The following DOCK8 variants were observed in gnomAD, a reference collection of about 807,000 sequenced individuals.
DOCK8 encodes the protein dedicator of cytokinesis 8, also known as dedicator of cytokinesis protein 8.
A neutral mutation model predicts 245.6 loss-of-function variants in DOCK8; 141 were observed. That is an observed-to-expected ratio of 0.57 (90% CI 0.50 to 0.66). DOCK8 has a LOEUF of 0.66. Among genes scored for constraint, DOCK8 ranks in the 30% least tolerant of loss-of-function variants. The pLI is 0.00. For missense variants in DOCK8, 2,965 were observed against 2,603.4 expected (o/e 1.14, Z -3.02); for synonymous variants, 1,168 against 970.2 (o/e 1.20, Z -3.79).
At chr9:307,330 T>G (rs575389022) in intron 5 of DOCK8, among the ~76,000 whole-genome samples, 4 of 29,278 alleles carry the variant, frequency 1.4e-4, no homozygotes, top group Admixed American at 5.0e-4. Flanking sequence ...TTGTGTGTGG[T>G]TTTTTTTGTT....
rs1208023577 is a variant in DOCK8, at chr9:433,913, T to C, written c.4824T>C (p.Tyr1608=). ...ELLCNLNSIL[Y]DTVKMREFQE... Reference sequence around the variant, plus strand: ...TCTGTAATCTGAATAGCATCTTATATGACACAGTGAAAATGAGGGAATTTC... The same window carrying C: ...TCTGTAATCTGAATAGCATCTTATACGACACAGTGAAAATGAGGGAATTTC... Residue 1608 remains tyrosine (Y), a synonymous_variant, in exon 38 of 48, where the codon TAT becomes TAC. Transcript: ENST00000432829. 2 of 1,614,158 alleles carry C rather than the reference T, an allele frequency of 1.2e-6. No homozygotes were observed. The highest frequency in any genetic ancestry group is 1.7e-6 in the Non-Finnish European group (2 of 1,180,000).
At chr9:269,914 C>T (rs776292117) in intron 1 of DOCK8, among the ~76,000 whole-genome samples, 7 of 152,136 alleles carry the variant, frequency 4.6e-5, no homozygotes, top group Non-Finnish European at 8.8e-5. Flanking sequence ...TGCTGGGATA[C>T]ATGGGAGCTC....
intron 46 of DOCK8, among the ~76,000 whole-genome samples, chr9:462,078 T>C (rs1285441795): frequency 6.6e-6 from 1 of 152,194 alleles, no homozygotes; most frequent in Admixed American, 6.5e-5. Flanking sequence ...CTTATTGGAC[T>C]AATTCTTTTG....
chr9:220,967 C>T (rs1332832554), intron 1 of DOCK8: 3 of 198,572 alleles, frequency 1.5e-5, no homozygotes, highest in Non-Finnish European at 3.2e-5. Flanking sequence ...AGCAGAAAGG[C>T]TCTCTGGGCT....
chr9:240,928 A>G (rs1016571771), intron 1 of DOCK8, among the ~76,000 whole-genome samples: 3 of 151,570 alleles, frequency 2.0e-5, no homozygotes, highest in Non-Finnish European at 2.9e-5. Flanking sequence ...AAATTACCAT[A>G]CACATGTTTA....
intron 1 of DOCK8, among the ~76,000 whole-genome samples, chr9:258,921 T>A (rs2047848043): frequency 6.6e-6 from 1 of 152,008 alleles, no homozygotes; most frequent in South Asian, 2.1e-4. Context: ...TAAGATACTT[T>A]CATAATAGTT....
chr9:316,968 C>G (rs1246978222), intron 6 of DOCK8, 75 bp from the exon 7 acceptor site: 2 of 1,211,992 alleles, frequency 1.7e-6, no homozygotes, highest in Non-Finnish European at 2.5e-6. Context: ...GTAGCCTTCC[C>G]TTCCCTGGGT....
At chr9:275,882 C>A (rs2048327219) in intron 2 of DOCK8, among the ~76,000 whole-genome samples, 1 of 133,990 alleles carries the variant, frequency 7.5e-6, no homozygotes, top group South Asian at 2.4e-4. Flanking sequence ...AGCCACTGGG[C>A]CCGGCCTAGT....
upstream of DOCK8, among the ~76,000 whole-genome samples, chr9:212,227 A>T (rs143688797): frequency 4.8e-3 from 730 of 152,332 alleles, 6 homozygotes; most frequent in African/African-American, 0.017. Context: ...TTGTTCAATA[A>T]AATAGGTAAG....
At chr9:368,871 G>A (rs2053150628) in intron 15 of DOCK8, 1 of 142,762 alleles carries the variant, frequency 7.0e-6, no homozygotes, top group Non-Finnish European at 1.5e-5. Context: ...GCCCAGGCTG[G>A]AGTACAATGG....
At chr9:297,563 G>C (rs1215246411) in intron 4 of DOCK8, among the ~76,000 whole-genome samples, 1 of 152,092 alleles carries the variant, frequency 6.6e-6, no homozygotes, top group Non-Finnish European at 1.5e-5. Context: ...CAGGAACTTG[G>C]CTTTATTTGA....
At chr9:364,087 A>G (rs967072392) in intron 14 of DOCK8, among the ~76,000 whole-genome samples, 4 of 152,208 alleles carry the variant, frequency 2.6e-5, no homozygotes, top group African/African-American at 9.6e-5. Context: ...GATTCTTCCA[A>G]AAGTATCTGC....
intron 1 of DOCK8, among the ~76,000 whole-genome samples, chr9:218,517 G>C (rs569180345): frequency 2.3e-4 from 35 of 152,280 alleles, no homozygotes; most frequent in African/African-American, 7.7e-4. Flanking sequence ...TAACATTTGC[G>C]TTTGGGATTT....
At chr9:349,939 T>C (rs991700536) in intron 14 of DOCK8, among the ~76,000 whole-genome samples, 1 of 152,202 alleles carries the variant, frequency 6.6e-6, no homozygotes, top group Non-Finnish European at 1.5e-5. Context: ...GTAATCTGTT[T>C]CTTCTTTCTC....
intron 1 of DOCK8, among the ~76,000 whole-genome samples, chr9:261,457 A>G (rs754908301): frequency 7.9e-5 from 12 of 152,228 alleles, no homozygotes; most frequent in East Asian, 1.9e-4. Context: ...TTAGTTCTAC[A>G]TGGCATCAGA....
chr9:214,912 C>T lies in DOCK8; in HGVS notation c.-65C>T. On this transcript the variant is annotated 5_prime_UTR_variant, in exon 1 of 48. Transcript: ENST00000432829. ...CTGGGCATGTTCCGCGGCTACTCTG[C>T]GGCGCGCCAGGCCCCCGCTTTCCGC... 2 of 1,603,802 alleles carry T rather than the reference C, an allele frequency of 1.2e-6. No individual in the cohort carries two copies. The highest frequency in any genetic ancestry group is 2.3e-5 in the East Asian group (1 of 43,942).
In DOCK8 at chr9:225,819, T is replaced by C. The variant is rs112153975; in HGVS notation, c.53+10790T>C. Among the ~76,000 whole-genome samples, 49 of 152,202 alleles carry C rather than the reference T, an allele frequency of 3.2e-4. 1 individual carries two copies. Among genetic ancestry groups the C allele is most frequent in the African/African-American group, 1.1e-3 (47 of 41,534 alleles). Reference sequence around the variant, plus strand: ...AGATGGGATGGTCAAGGAAAGCATCTCTTAGAGAAAAACCTCTGAGCCAAG... The same window carrying C: ...AGATGGGATGGTCAAGGAAAGCATCCCTTAGAGAAAAACCTCTGAGCCAAG... On this transcript the variant is annotated intron_variant, in intron 1 of 47. Coordinates refer to ENST00000432829, the MANE Select transcript of DOCK8 (RefSeq NM_203447.4).
At chr9:360,648 A>G (rs939209411) in intron 14 of DOCK8, among the ~76,000 whole-genome samples, 1 of 152,168 alleles carries the variant, frequency 6.6e-6, no homozygotes, top group African/African-American at 2.4e-5. Flanking sequence ...TACTTTTCAT[A>G]TTTTTAGAGC....
intron 5 of DOCK8, 65 bp downstream of exon 5, chr9:304,769 GTT>G: frequency 6.2e-7 from 1 of 1,610,716 alleles, no homozygotes; most frequent in African/African-American, 1.3e-5. Flanking sequence ...CATGCTGTCA[GTT>G]TTACAAACTA....
Sources: allele counts gnomAD v4.1 joint callset (sites outside exome capture counted in the v4.1 genomes callset), GRCh38; gene constraint gnomAD v4.1.1; transcripts MANE v1.5; gene names NCBI Gene and HGNC (gene_info 2026-07-23, HGNC 2026-07-21).